BIN1: variants seen among roughly 807,000 people sequenced by gnomAD.
BIN1 encodes bridging integrator 1, also known as myc box-dependent-interacting protein 1.
BIN1 carries 53 observed loss-of-function variants against 82.0 expected under a neutral mutation model. The ratio of observed to expected loss-of-function variants is 0.65; its 90% CI spans 0.52 to 0.81. BIN1 has a LOEUF of 0.81. BIN1 is among the 40% of genes least tolerant of loss of function. The pLI is 0.00. For missense variants in BIN1, 642 were observed against 784.4 expected, an observed-to-expected ratio of 0.82 and a Z score of 2.17; for synonymous variants, 302 against 328.0, an observed-to-expected ratio of 0.92 and a Z score of 0.86.
chr2:127,069,111 C>G (rs1685528638), intron 5 of BIN1, 80 bp from the exon 6 acceptor site: 1 of 1,392,350 alleles, frequency 7.2e-7, no homozygotes, highest in Non-Finnish European at 1.0e-6. Context: ...CTGGAGGGAC[C>G]CGCAGGGCGG....
chr2:127,103,020 G>A (rs1186470087), intron 1 of BIN1, among the ~76,000 whole-genome samples: 5 of 152,344 alleles, frequency 3.3e-5, no homozygotes, highest in Middle Eastern at 3.4e-3. Context: ...AATGTGGGTA[G>A]AGGGGGGCAT....
chr2:127,058,467 G>A (rs1000506296), intron 11 of BIN1, among the ~76,000 whole-genome samples: 2 of 152,100 alleles, frequency 1.3e-5, no homozygotes, highest in East Asian at 1.9e-4. Flanking sequence ...TGGAGGGCCC[G>A]CTGGGGGCAG....
Position 127,051,153 on chromosome 2 carries a change from C to G in BIN1, c.1461+1G>C. The stretch of plus-strand genomic sequence containing the variant: ...GCAGGGCTTTGTCCCTGCTGTCTTA[C>G]GGAGGCTGCTTCACTTGCCGCCGTC... On this transcript the variant is annotated splice_donor_variant, in intron 16 of 18. Transcript: ENST00000316724. LOFTEE classifies it high-confidence loss of function. 1 of 1,613,456 alleles carries G rather than the reference C, an allele frequency of 6.2e-7. No homozygotes were observed.
rs75768060 is a variant in BIN1 at position 127,070,874 on chromosome 2, C to T, written c.166-58G>A. The T allele has an allele frequency of 4.5e-4, 683 of 1,531,558 alleles. 5 individuals carry two copies. The African/African-American group carries it at 8.5e-3, about 19-fold the overall frequency. 94.9% of individuals were successfully genotyped at this position (1,531,558 alleles called of 1,614,324 possible). On this transcript the variant is annotated intron_variant, in intron 2 of 18. Transcript: ENST00000316724. ...ACTGGTGGCACACCCAGTCCCTGACCCTCTCCTTCCTGCCACCCTCACGTG... is the reference window on the plus strand; with the variant it reads ...ACTGGTGGCACACCCAGTCCCTGACTCTCTCCTTCCTGCCACCCTCACGTG...
At chr2:127,105,503 T>TCCTCCTCCTCCTCCTCCTCCTCC (rs1480065007) in intron 1 of BIN1, among the ~76,000 whole-genome samples, 15 of 137,892 alleles carry the variant, frequency 1.1e-4, no homozygotes, top group South Asian at 2.7e-4. Context: ...CTCCTCCTCC[T>TCCTCCTCCTCCTCCTCCTCCTCC]TCCCTGGGGT....
intron 7 of BIN1, among the ~76,000 whole-genome samples, chr2:127,064,325 A>G (rs1409895683): frequency 6.6e-6 from 1 of 152,212 alleles, no homozygotes; most frequent in African/African-American, 2.4e-5. Flanking sequence ...GGGCTTGGCG[A>G]GCTGGACACG....
rs975451889 is a variant in BIN1 at position 127,093,675 on chromosome 2, G to C, written c.84+13185C>G. Among the ~76,000 whole-genome samples, 28 of 152,172 alleles carry C rather than the reference G, an allele frequency of 1.8e-4. No homozygotes were observed. Among genetic ancestry groups the C allele is most frequent in the Non-Finnish European group, 2.8e-4 (19 of 68,042 alleles). On this transcript the variant is annotated intron_variant, in intron 1 of 18. Transcript: ENST00000316724. This position sits in a 1 kb window ranked among gnomAD's most constrained non-coding sequence, Gnocchi z 5.7. ...GGTCCTTGCATCTTCATCGTTGAAG[G>C]CTCCCGTGTCATGTAAAACATTGAT...
At position 127,069,986 on chromosome 2, in the gene BIN1, G is replaced by A. The variant is rs1685666305; in HGVS notation, c.411+9C>T. 6.2e-7 allele frequency: 1 copy of A among 1,613,776 alleles called. No individual in the cohort carries two copies. On this transcript the variant is annotated intron_variant, in intron 5 of 18. Transcript: ENST00000316724. Reference sequence around the variant, plus strand: ...CAGAGCAGGGCAGATCTGCAAGTGGGTCTCTCACCTTGATGTCGGGGAACT... The same window carrying A: ...CAGAGCAGGGCAGATCTGCAAGTGGATCTCTCACCTTGATGTCGGGGAACT...
Position 127,059,408 on chromosome 2 carries a change from G to A in BIN1, c.858-253C>T, listed in dbSNP as rs150737159. Among the ~76,000 whole-genome samples the A allele has an allele frequency of 1.3e-3, 195 of 152,098 alleles. 5 individuals carry two copies. In the East Asian group the frequency reaches 0.033, roughly 26 times the overall value. ...CACAAGGTGGGACTCCAGGCTGGAG[G>A]TCTATGGTCCCCAGGAGTGCAGGCA... On this transcript the variant is annotated intron_variant, in intron 10 of 18. Coordinates refer to ENST00000316724, the MANE Select transcript of BIN1 (RefSeq NM_139343.3). This position sits in a 1 kb window ranked among gnomAD's most constrained non-coding sequence, Gnocchi z 6.7.
chr2:127,096,106 C>A (rs563029490), intron 1 of BIN1, among the ~76,000 whole-genome samples: 3 of 152,324 alleles, frequency 2.0e-5, no homozygotes, highest in Admixed American at 6.5e-5. Flanking sequence ...CCTCCACCCC[C>A]AGCCCTGTGC....
intron 17 of BIN1, 52 bp from the exon 18 acceptor site, chr2:127,050,574 G>T: frequency 6.3e-7 from 1 of 1,592,844 alleles, no homozygotes; most frequent in South Asian, 1.1e-5. Context: ...CTCCAGCCCT[G>T]CACAGAGCAC....
Position 127,050,883 on chromosome 2 carries a change from G to T in BIN1, c.1491C>A (p.Thr497=). The change falls in exon 17 of 19, where the codon ACC becomes ACA. Residue 497 remains threonine, a synonymous_variant. Transcript: ENST00000316724. ...CGGTGCCATTCACAGTTGCTGGGAA[G>T]GTCTCCACCACGACAGCAGGAAGAG... ...SSSLPAVVVE[T]FPATVNGTVE... is the part of the protein sequence containing the mutation. 6.2e-7 allele frequency: 1 copy of T among 1,613,954 alleles called. No homozygotes were observed. Among genetic ancestry groups the T allele is most frequent in the Non-Finnish European group, 8.5e-7 (1 of 1,180,012 alleles).
At position 127,086,450 on chromosome 2, in the gene BIN1, G is replaced by A. The variant is rs114405422; in HGVS notation, c.85-9744C>T. Among the ~76,000 whole-genome samples, 1,488 of 152,092 alleles carry A rather than the reference G, an allele frequency of 9.8e-3. 25 individuals carry two copies. The highest frequency in any genetic ancestry group is 0.035 in the African/African-American group (1,432 of 41,472). Reference sequence around the variant, plus strand: ...GATTTTCACGATGAAATACAAAACCGGGAAGACATTCCTCCCAGGAAGGCC... The same window carrying A: ...GATTTTCACGATGAAATACAAAACCAGGAAGACATTCCTCCCAGGAAGGCC... On this transcript the variant is annotated intron_variant, in intron 1 of 18. Transcript: ENST00000316724.
rs151011216 is a variant in BIN1 at position 127,079,494 on chromosome 2, A to T, written c.85-2788T>A. ...CAGGCTGACGGCATCCCAAGATGTG[A>T]GACAGAAGTCACAGACGCGCACACT... On this transcript the variant is annotated intron_variant, in intron 1 of 18. Coordinates refer to ENST00000316724, the MANE Select transcript of BIN1 (RefSeq NM_139343.3). Among the ~76,000 whole-genome samples the T allele has an allele frequency of 3.4e-3, 516 of 152,320 alleles. 1 individual carries two copies. Among genetic ancestry groups the T allele is most frequent in the African/African-American group, 0.012 (496 of 41,568 alleles).
At chr2:127,103,129 G>A (rs529065124) in intron 1 of BIN1, among the ~76,000 whole-genome samples, 1 of 152,282 alleles carries the variant, frequency 6.6e-6, no homozygotes, top group East Asian at 1.9e-4. Context: ...TGCCATCACT[G>A]AGGGCCTGGG....
intron 1 of BIN1, among the ~76,000 whole-genome samples, chr2:127,085,734 C>A (rs1678061797): frequency 6.6e-6 from 1 of 152,210 alleles, no homozygotes; most frequent in African/African-American, 2.4e-5. Flanking sequence ...CAGCTCACAC[C>A]CTCAGGGCTG....
At chr2:127,076,042 G>C (rs116577590) in intron 2 of BIN1, among the ~76,000 whole-genome samples, 1 of 134,470 alleles carries the variant, frequency 7.4e-6, no homozygotes, top group African/African-American at 2.8e-5. Context: ...CCCGGCCCTC[G>C]CAGCTGCTCC....
rs1054829179 is a variant in BIN1 at position 127,053,552 on chromosome 2, C to T, written c.1240-107G>A. On this transcript the variant is annotated intron_variant, in intron 13 of 18. Transcript: ENST00000316724. Reference sequence around the variant, plus strand: ...CCCCGCTCGCCCCAGGCCATCCAGCCCAGCAGGCACAGGAGTGGCTCGGAG... The same window carrying T: ...CCCCGCTCGCCCCAGGCCATCCAGCTCAGCAGGCACAGGAGTGGCTCGGAG... 10 of 1,450,830 alleles carry T rather than the reference C, an allele frequency of 6.9e-6. No homozygotes were observed. The Admixed American group carries it at 1.4e-4, about 20-fold the overall frequency. 89.9% of individuals were successfully genotyped at this position (1,450,830 alleles called of 1,614,324 possible).
rs1679259026 is a variant in BIN1 at position 127,093,956 on chromosome 2, A to G, written c.84+12904T>C. The stretch of plus-strand genomic sequence containing the variant: ...CAGACAGGACGGCCCTAGAGGATAC[A>G]CACGGAGGGCATGGGTGCAGCTAGA... On this transcript the variant is annotated intron_variant, in intron 1 of 18. Transcript: ENST00000316724. The surrounding 1 kb of genome is among the most constrained non-coding windows in gnomAD (Gnocchi z 5.7). Among the ~76,000 whole-genome samples the G allele has an allele frequency of 6.6e-6, 1 of 152,158 alleles. No homozygotes were observed. Among genetic ancestry groups the G allele is most frequent in the African/African-American group, 2.4e-5 (1 of 41,434 alleles).
Sources: allele counts gnomAD v4.1 joint callset (sites outside exome capture counted in the v4.1 genomes callset), GRCh38; gene constraint gnomAD v4.1.1; non-coding constraint Gnocchi (gnomAD v3.1); transcripts MANE v1.5; gene names NCBI Gene and HGNC (gene_info 2026-07-23, HGNC 2026-07-21).